The following SLC10A7 variants were observed in gnomAD, a reference collection of about 807,000 sequenced individuals.
SLC10A7 encodes the protein sodium/bile acid cotransporter 7.
Under a neutral mutation model 43.2 loss-of-function variants are expected in SLC10A7, and 29 were observed. That is an observed-to-expected ratio of 0.67 (90% CI 0.50 to 0.92). SLC10A7 has a LOEUF of 0.92. SLC10A7 is among the 40% of genes least tolerant of loss of function. SLC10A7 has a pLI of 0.00. For synonymous variants in SLC10A7, 152 were observed against 144.8 expected (o/e 1.05, Z -0.35); for missense variants, 295 against 403.2 (o/e 0.73, Z 2.30).
At chr4:146,365,760 A>G (rs1003632297) in intron 5 of SLC10A7, among the ~76,000 whole-genome samples, 5 of 152,140 alleles carry the variant, frequency 3.3e-5, no homozygotes, top group Non-Finnish European at 4.4e-5. Context: ...TGAGTCTTGG[A>G]TTATTTTCTA....
rs1409067660 is a variant in SLC10A7, at chr4:146,459,479, G to A, written c.397-16658C>T. 5.9e-5 allele frequency among the ~76,000 whole-genome samples: 9 copies of A among 151,572 alleles called. No homozygotes were observed. The South Asian group carries it at 1.4e-3, about 24-fold the overall frequency. The stretch of plus-strand genomic sequence containing the variant: ...GGTACTGGCTTAAGGACAGATATAC[G>A]GATCAACAGAAGAGAAGAGAAAGTT... On this transcript the variant is annotated intron_variant, in intron 4 of 11. Transcript: ENST00000335472.
intron 4 of SLC10A7, among the ~76,000 whole-genome samples, chr4:146,495,647 T>G (rs1352732122): frequency 6.6e-6 from 1 of 152,140 alleles, no homozygotes; most frequent in African/African-American, 2.4e-5. Flanking sequence ...ACACTCAGAC[T>G]TCTATGACCT....
At chr4:146,354,510 A>C (rs368678398) in intron 5 of SLC10A7, among the ~76,000 whole-genome samples, 4 of 149,738 alleles carry the variant, frequency 2.7e-5, no homozygotes, top group South Asian at 2.1e-4. Flanking sequence ...GCTACCAATG[A>C]CTTTCTTCAC....
intron 4 of SLC10A7, among the ~76,000 whole-genome samples, chr4:146,444,290 T>C (rs1268984674): frequency 6.6e-6 from 1 of 152,200 alleles, no homozygotes; most frequent in Non-Finnish European, 1.5e-5. Flanking sequence ...AAAACAGAAT[T>C]ACTTCCTTTT....
intron 7 of SLC10A7, among the ~76,000 whole-genome samples, chr4:146,303,419 C>G (rs1343924653): frequency 6.7e-6 from 1 of 150,152 alleles, no homozygotes; most frequent in East Asian, 2.0e-4. Flanking sequence ...GCTCTGTTGC[C>G]CAGGCTGGAG....
At chr4:146,484,818 T>C (rs1404938357) in intron 4 of SLC10A7, among the ~76,000 whole-genome samples, 2 of 152,066 alleles carry the variant, frequency 1.3e-5, no homozygotes, top group Non-Finnish European at 2.9e-5. Context: ...AATAAGAAAT[T>C]TTAAATTAGA....
At chr4:146,386,041 C>T (rs1399185922) in intron 5 of SLC10A7, among the ~76,000 whole-genome samples, 3 of 152,142 alleles carry the variant, frequency 2.0e-5, no homozygotes, top group African/African-American at 7.2e-5. Flanking sequence ...CAGTGATGAA[C>T]ATATGAGTCC....
At chr4:146,374,661 C>T (rs62328690) in intron 5 of SLC10A7, among the ~76,000 whole-genome samples, 7,740 of 100,358 alleles carry the variant, frequency 0.077, 315 homozygotes, top group Non-Finnish European at 0.1. Flanking sequence ...CACACACACA[C>T]ATATATATAT....
intron 7 of SLC10A7, among the ~76,000 whole-genome samples, chr4:146,303,522 C>A (rs2111243347): frequency 6.6e-6 from 1 of 151,994 alleles, no homozygotes. Flanking sequence ...GGACCACCGG[C>A]ACCCACCACC....
At chr4:146,394,851 T>A (rs940164946) in intron 5 of SLC10A7, among the ~76,000 whole-genome samples, 2 of 152,206 alleles carry the variant, frequency 1.3e-5, no homozygotes, top group East Asian at 3.8e-4. Flanking sequence ...CATATTCTTA[T>A]TCATATGGTA....
chr4:146,342,306 C>T (rs1734320702), intron 5 of SLC10A7, among the ~76,000 whole-genome samples: 1 of 151,482 alleles, frequency 6.6e-6, no homozygotes, highest in Admixed American at 6.6e-5. Flanking sequence ...AGTGATTATA[C>T]AGTTTTATCT....
intron 5 of SLC10A7, among the ~76,000 whole-genome samples, chr4:146,345,770 T>C (rs1291503654): frequency 6.6e-6 from 1 of 152,130 alleles, no homozygotes; most frequent in African/African-American, 2.4e-5. Flanking sequence ...GTATTTCCCA[T>C]ACCTAGTGAA....
intron 5 of SLC10A7, among the ~76,000 whole-genome samples, chr4:146,417,096 T>C (rs532948336): frequency 1.5e-4 from 23 of 152,328 alleles, no homozygotes; most frequent in Non-Finnish European, 1.8e-4. Flanking sequence ...TTGTATTCCC[T>C]CACTAGAATG....
Position 146,254,148 on chromosome 4 carries a change from A to G in SLC10A7, c.*2343T>C, listed in dbSNP as rs1727781304. On this transcript the variant is annotated 3_prime_UTR_variant, in exon 12 of 12. Transcript: ENST00000335472. Reference sequence around the variant, plus strand: ...TGTTAATTTTTAACAGAATAGGGAAAAATTTTAAAAAACCCACAAAAATTT... The same window carrying G: ...TGTTAATTTTTAACAGAATAGGGAAGAATTTTAAAAAACCCACAAAAATTT... 2 of 152,300 alleles carry G rather than the reference A, an allele frequency of 1.3e-5. No individual in the cohort carries two copies. Among genetic ancestry groups the G allele is most frequent in the South Asian group, 2.1e-4 (1 of 4,816 alleles). The allele number at this position is 152,300 out of a possible 1,614,324, so 9.4% of individuals were successfully genotyped here. A position where few individuals can be genotyped will look rare whatever the true frequency, so the allele number is the denominator to read the frequency against.
chr4:146,430,870 C>T (rs1729729921), intron 5 of SLC10A7, among the ~76,000 whole-genome samples: 1 of 152,050 alleles, frequency 6.6e-6, no homozygotes, highest in African/African-American at 2.4e-5. Context: ...TTCCCCTGAT[C>T]AGTGCAGCTC....
At chr4:146,314,298 T>C (rs1732176106) in intron 6 of SLC10A7, among the ~76,000 whole-genome samples, 1 of 152,166 alleles carries the variant, frequency 6.6e-6, no homozygotes. Context: ...AATTCAAACC[T>C]ATTGAATTTA....
At chr4:146,444,213 C>T (rs1328476540) in intron 4 of SLC10A7, among the ~76,000 whole-genome samples, 1 of 152,104 alleles carries the variant, frequency 6.6e-6, no homozygotes, top group African/African-American at 2.4e-5. Flanking sequence ...GAACACTGGT[C>T]CTCCTTCCTA....
chr4:146,272,005 C>T (rs544530492), intron 10 of SLC10A7, among the ~76,000 whole-genome samples: 1 of 152,214 alleles, frequency 6.6e-6, no homozygotes, highest in South Asian at 2.1e-4. Flanking sequence ...CATCTGATGT[C>T]CTGTATATTC....
chr4:146,337,603 T>C (rs953550472), intron 5 of SLC10A7, among the ~76,000 whole-genome samples: 3 of 152,064 alleles, frequency 2.0e-5, no homozygotes, highest in African/African-American at 7.2e-5. Context: ...TATTGAGGTA[T>C]ATTATGTACT....
Sources: allele counts gnomAD v4.1 joint callset (sites outside exome capture counted in the v4.1 genomes callset), GRCh38; gene constraint gnomAD v4.1.1; transcripts MANE v1.5; gene names NCBI Gene and HGNC (gene_info 2026-07-23, HGNC 2026-07-21).